Variants in TMPRSS15 observed in about 807,000 individuals in gnomAD.
The protein encoded by TMPRSS15 is transmembrane serine protease 15.
In TMPRSS15, 128 loss-of-function variants were observed where a neutral mutation model predicts 125.3. The observed-to-expected ratio is 1.02, with a 90% CI of 0.89 to 1.18. The LOEUF (loss-of-function observed/expected upper bound fraction) is 1.18. Ranked by LOEUF, TMPRSS15 falls within the 50% of genes most tolerant of loss-of-function variation. TMPRSS15 has a pLI of 0.00. For missense variants in TMPRSS15, 1,283 were observed against 1,212.7 expected (o/e 1.06, Z -0.86); for synonymous variants, 446 against 423.2 (o/e 1.05, Z -0.66).
chr21:18,442,897 C>G (rs1283397228), intron 1 of TMPRSS15, among the ~76,000 whole-genome samples: 1 of 152,064 alleles, frequency 6.6e-6, no homozygotes, highest in Non-Finnish European at 1.5e-5. Context: ...AAAATCAGTT[C>G]GGGGTACCAT....
At chr21:18,273,173 A>C (rs562158746) in intron 24 of TMPRSS15, among the ~76,000 whole-genome samples, 3 of 152,348 alleles carry the variant, frequency 2.0e-5, no homozygotes, top group African/African-American at 7.2e-5. Context: ...GATATTCTTC[A>C]GCCATTGGTG....
At chr21:18,384,665 C>T (rs766772704) in intron 3 of TMPRSS15, among the ~76,000 whole-genome samples, 8 of 152,098 alleles carry the variant, frequency 5.3e-5, no homozygotes, top group Non-Finnish European at 1.0e-4. Flanking sequence ...CAAACTATAG[C>T]TCTGATATTT....
At chr21:18,277,849 T>C (rs929122969) in intron 23 of TMPRSS15, among the ~76,000 whole-genome samples, 4 of 152,204 alleles carry the variant, frequency 2.6e-5, no homozygotes, top group African/African-American at 4.8e-5. Flanking sequence ...CTTTATTATT[T>C]ATGAGTGGTT....
intron 17 of TMPRSS15, among the ~76,000 whole-genome samples, chr21:18,313,515 T>A (rs1245193813): frequency 6.6e-6 from 1 of 151,290 alleles, no homozygotes; most frequent in Non-Finnish European, 1.5e-5. Context: ...TTTGGAAAAA[T>A]TAACAAAAAA....
intron 21 of TMPRSS15, among the ~76,000 whole-genome samples, chr21:18,292,680 T>A (rs928634199): frequency 5.3e-5 from 8 of 152,314 alleles, no homozygotes; most frequent in Admixed American, 2.0e-4. Flanking sequence ...GCTAACTTAT[T>A]AAGATCTACC....
At chr21:18,389,809 G>A (rs1443554180) in intron 3 of TMPRSS15, among the ~76,000 whole-genome samples, 1 of 152,082 alleles carries the variant, frequency 6.6e-6, no homozygotes, top group South Asian at 2.1e-4. Flanking sequence ...TGTTACTGAT[G>A]TCAGAACTTT....
At chr21:18,314,689 A>C (rs1301179336) in intron 17 of TMPRSS15, among the ~76,000 whole-genome samples, 1 of 151,786 alleles carries the variant, frequency 6.6e-6, no homozygotes, top group African/African-American at 2.4e-5. Context: ...TAATAAAAGT[A>C]TCCATTACTC....
chr21:18,445,567 A>C (rs1454498648), intron 1 of TMPRSS15, among the ~76,000 whole-genome samples: 1 of 152,204 alleles, frequency 6.6e-6, no homozygotes, highest in Non-Finnish European at 1.5e-5. Flanking sequence ...TTGCTGCAAA[A>C]TACTAGCAAA....
At chr21:18,307,900 C>T (rs2075053925) in intron 18 of TMPRSS15, among the ~76,000 whole-genome samples, 1 of 152,134 alleles carries the variant, frequency 6.6e-6, no homozygotes, top group African/African-American at 2.4e-5. Context: ...TTAAAATTCA[C>T]AAACCACAAT....
intron 18 of TMPRSS15, among the ~76,000 whole-genome samples, chr21:18,307,318 T>TA (rs533872520): frequency 2.2e-3 from 337 of 152,220 alleles, no homozygotes; most frequent in African/African-American, 7.9e-3. Context: ...TTACAGACAC[T>TA]AAAAAATCTG....
At chr21:18,317,567 T>C (rs2075180515) in intron 16 of TMPRSS15, among the ~76,000 whole-genome samples, 1 of 152,028 alleles carries the variant, frequency 6.6e-6, no homozygotes, top group African/African-American at 2.4e-5. Flanking sequence ...TGGCCAAAAG[T>C]TGACTACACT....
rs1052999301 is a variant in TMPRSS15 at position 18,371,311 on chromosome 21, A to G, written c.664+882T>C. Among the ~76,000 whole-genome samples, 4 of 152,190 alleles carry G rather than the reference A, an allele frequency of 2.6e-5. No individual in the cohort carries two copies. In the South Asian group the frequency reaches 8.3e-4, roughly 31 times the overall value. On this transcript the variant is annotated intron_variant, in intron 6 of 24. Transcript: ENST00000284885. The stretch of plus-strand genomic sequence containing the variant: ...ATTTACTGTGTGTCCTGTGGTTGAC[A>G]GCAGGTAGTTGAAACTGTGGAAACC...
rs369865064 is a variant in TMPRSS15, at chr21:18,376,383, A to C, written c.532+2900T>G. On this transcript the variant is annotated intron_variant, in intron 5 of 24. Transcript: ENST00000284885. ...AATGCAGAAAAAGAACGATTCCTAA[A>C]GTCACAATACCTTTGGTATCAGGTA... Among the ~76,000 whole-genome samples the C allele has an allele frequency of 1.7e-4, 26 of 152,286 alleles. No individual in the cohort carries two copies. In the South Asian group the frequency reaches 5.4e-3, roughly 32 times the overall value.
chr21:18,353,630 A>T, intron 9 of TMPRSS15, 93 bp downstream of exon 9: 1 of 1,156,168 alleles, frequency 8.6e-7, no homozygotes, highest in East Asian at 2.5e-5. Context: ...ATAAAATTAC[A>T]TCATGAAAAT....
rs1195939689 is a variant in TMPRSS15 at position 18,343,550 on chromosome 21, A to C, written c.1384T>G (p.Trp462Gly). The C allele has an allele frequency of 1.2e-6, 2 of 1,613,256 alleles. No individual in the cohort carries two copies. The highest frequency in any genetic ancestry group is 2.7e-5 in the African/African-American group (2 of 74,916). The change falls in exon 12 of 25, where the codon TGG (tryptophan) becomes GGG (glycine). Residue 462 changes from tryptophan to glycine, a missense_variant. Transcript: ENST00000284885. The part of the protein sequence containing the change: ...FQKEGNYGDN[W>G]NYGQVTLNET... The stretch of plus-strand genomic sequence containing the variant: ...TTTAGGGTTACTTGTCCATAATTCC[A>C]ATTGTCTCCATAATTTCCTTCCTTT...
chr21:18,355,297 G>T lies in TMPRSS15; in HGVS notation c.881-1434C>A, dbSNP rs538786903. On this transcript the variant is annotated intron_variant, in intron 8 of 24. Transcript: ENST00000284885. ...ATGGCCTCTGGCTGGCTTTGAATGT[G>T]GTTGGTGGTTCAACCACACCCTTAG... Among the ~76,000 whole-genome samples, 3 of 151,786 alleles carry T rather than the reference G, an allele frequency of 2.0e-5. No individual in the cohort carries two copies. The East Asian group carries it at 5.8e-4, about 29-fold the overall frequency.
chr21:18,337,391 T>G (rs758808105), intron 13 of TMPRSS15, among the ~76,000 whole-genome samples: 1 of 152,248 alleles, frequency 6.6e-6, no homozygotes, highest in Admixed American at 6.5e-5. Context: ...GATTTTGTTT[T>G]GTATACACCT....
In TMPRSS15 at chr21:18,353,759, C is replaced by A. The variant is rs764662592; in HGVS notation, c.985G>T (p.Ala329Ser). ...CTGCTGTTAAATGCAGTATATGTTG[C>A]ATTAAAGCCAACATAATCACTTTCA... is the stretch of plus-strand genomic sequence containing the variant. ...SDESDYVGFN[A>S]TYTAFNSSEL... is the part of the protein sequence containing the mutation. Residue 329 changes from alanine to serine, a missense_variant, in exon 9 of 25, where the codon GCA (alanine) becomes TCA (serine). Coordinates refer to ENST00000284885, the MANE Select transcript of TMPRSS15 (RefSeq NM_002772.3). 15 of 1,611,284 alleles carry A rather than the reference C, an allele frequency of 9.3e-6. No individual in the cohort carries two copies. The highest frequency in any genetic ancestry group is 1.3e-5 in the African/African-American group (1 of 74,774).
rs62215026 is a variant in TMPRSS15, at chr21:18,449,416, C to T, written c.10+36383G>A. ...TCAGAACCACTAGTGTGTGTTCTCC[C>T]AACAAGCAGGAAAACAGAAAGTGCC... On this transcript the variant is annotated intron_variant, in intron 1 of 7. Transcript: ENST00000422787. Among the ~76,000 whole-genome samples, 941 of 152,140 alleles carry T rather than the reference C, an allele frequency of 6.2e-3. 6 individuals carry two copies. Among genetic ancestry groups the T allele is most frequent in the Non-Finnish European group, 8.9e-3 (606 of 67,972 alleles).
Sources: allele counts gnomAD v4.1 joint callset (sites outside exome capture counted in the v4.1 genomes callset), GRCh38; gene constraint gnomAD v4.1.1; transcripts MANE v1.5; gene names NCBI Gene and HGNC (gene_info 2026-07-23, HGNC 2026-07-21).